Variants in SRGAP2 observed in about 807,000 individuals in gnomAD.
SRGAP2 encodes the protein SLIT-ROBO Rho GTPase-activating protein 2.
SRGAP2 carries 15 observed loss-of-function variants against 57.2 expected under a neutral mutation model. The ratio of observed to expected loss-of-function variants is 0.26; its 90% CI spans 0.18 to 0.40. SRGAP2 has a LOEUF of 0.40. Ranked by LOEUF, SRGAP2 falls within the 10% of genes least tolerant of loss-of-function variation. The pLI is 1.00. For missense variants in SRGAP2, 520 were observed against 669.6 expected (o/e 0.78, Z 2.47); for synonymous variants, 249 against 248.0 (o/e 1.00, Z -0.04).
chr1:206,251,676 T>G (rs1396750732), intron 2 of SRGAP2, among the ~76,000 whole-genome samples: 1 of 146,842 alleles, frequency 6.8e-6, no homozygotes, highest in Non-Finnish European at 1.5e-5. Context: ...ACAACTGAGG[T>G]GGCAGGAGGG....
At chr1:206,393,822 A>G in intron 7 of SRGAP2, 149 bp downstream of exon 7, 1 of 473,404 alleles carries the variant, frequency 2.1e-6, no homozygotes, top group East Asian at 2.9e-5. Flanking sequence ...GGTGCTTGCC[A>G]AGCACCAAGT....
chr1:206,346,745 A>T (rs1202740253), intron 4 of SRGAP2, among the ~76,000 whole-genome samples: 3 of 152,224 alleles, frequency 2.0e-5, no homozygotes, highest in East Asian at 1.9e-4. Flanking sequence ...AGTCATTTTT[A>T]AAAATCTTTT....
At chr1:206,314,060 A>T (rs1440773472) in intron 3 of SRGAP2, among the ~76,000 whole-genome samples, 2 of 150,612 alleles carry the variant, frequency 1.3e-5, no homozygotes, top group African/African-American at 4.9e-5. Context: ...TGATAAATTA[A>T]TGGTATCTTT....
intron 12 of SRGAP2, among the ~76,000 whole-genome samples, chr1:206,420,178 T>C (rs897604285): frequency 1.3e-5 from 2 of 152,240 alleles, no homozygotes; most frequent in African/African-American, 2.4e-5. Flanking sequence ...CACTTATATC[T>C]GCCAAAACAC....
At chr1:206,401,226 G>A (rs1195547724) in intron 7 of SRGAP2, among the ~76,000 whole-genome samples, 195 bp from the exon 8 acceptor site, 5 of 152,126 alleles carry the variant, frequency 3.3e-5, no homozygotes, top group Admixed American at 2.0e-4. Context: ...GCCCTCTAGG[G>A]TGTGTTTAAC....
rs557193306 is a variant in SRGAP2 at position 206,335,280 on chromosome 1, G to A, written c.261-7566G>A. 3.3e-3 allele frequency among the ~76,000 whole-genome samples: 503 copies of A among 151,908 alleles called. 2 individuals are homozygous for A. Among genetic ancestry groups the A allele is most frequent in the Non-Finnish European group, 3.6e-3 (246 of 67,984 alleles). On this transcript the variant is annotated intron_variant, in intron 3 of 22. Coordinates refer to ENST00000573034, the MANE Select transcript of SRGAP2 (RefSeq NM_015326.5). ...TAGATTGTACCAAGAGGGTTTAAAA[G>A]CCTCTTTATTCATTCCTCCCTATAG... is the stretch of plus-strand genomic sequence containing the variant.
At chr1:206,459,074 T>C in intron 22 of SRGAP2, 127 bp downstream of exon 22, 1 of 615,948 alleles carries the variant, frequency 1.6e-6, no homozygotes. Flanking sequence ...TGAGTATATG[T>C]CCACTCTGGA....
intron 4 of SRGAP2, among the ~76,000 whole-genome samples, chr1:206,353,153 GAA>G (rs1426284868): frequency 6.6e-6 from 1 of 152,040 alleles, no homozygotes; most frequent in Non-Finnish European, 1.5e-5. Context: ...GAAATTGTAG[GAA>G]AAATATCAAT....
chr1:206,417,779 T>C (rs1398918204), intron 11 of SRGAP2, among the ~76,000 whole-genome samples: 1 of 152,086 alleles, frequency 6.6e-6, no homozygotes, highest in Non-Finnish European at 1.5e-5. Context: ...AGATAATTTC[T>C]ATTCTTCTTC....
intron 4 of SRGAP2, among the ~76,000 whole-genome samples, chr1:206,357,496 GT>G (rs1416987993): frequency 3.4e-5 from 5 of 147,942 alleles, no homozygotes; most frequent in African/African-American, 1.2e-4. Flanking sequence ...TCTTTTAAAT[GT>G]TGCCTATATG....
At chr1:206,428,783 C>T (rs1437159025) in intron 13 of SRGAP2, among the ~76,000 whole-genome samples, 1 of 152,176 alleles carries the variant, frequency 6.6e-6, no homozygotes, top group Non-Finnish European at 1.5e-5. Flanking sequence ...CCACCTCAGC[C>T]TCGCAAGTAG....
rs1661175756 is a variant in SRGAP2 at position 206,430,241 on chromosome 1, T to A, written c.1555+19T>A. The A allele has an allele frequency of 1.3e-6, 1 of 780,552 alleles. No individual in the cohort carries two copies. The allele number at this position is 780,552 out of a possible 1,614,324, so 48.4% of individuals were successfully genotyped here. On this transcript the variant is annotated intron_variant, in intron 14 of 22. Transcript: ENST00000573034. ...AGACACGGTAAGCAGGATGACAGCC[T>A]TGTCCATATTTGTGCAAAGATTGGG...
At chr1:206,375,670 C>T (rs1414358818) in intron 4 of SRGAP2, among the ~76,000 whole-genome samples, 1 of 152,056 alleles carries the variant, frequency 6.6e-6, no homozygotes, top group African/African-American at 2.4e-5. Context: ...AGCAGAGGGC[C>T]GTTAGCCTCT....
At chr1:206,457,160 T>C (rs1663910333) in intron 21 of SRGAP2, among the ~76,000 whole-genome samples, 1 of 151,988 alleles carries the variant, frequency 6.6e-6, no homozygotes, top group South Asian at 2.1e-4. Flanking sequence ...CATAAATCTG[T>C]CTTCTCAGCA....
chr1:206,279,581 A>ATT (rs1165950488), intron 2 of SRGAP2, among the ~76,000 whole-genome samples: 36 of 86,550 alleles, frequency 4.2e-4, no homozygotes, highest in African/African-American at 2.2e-3. Context: ...ACACCTGGCT[A>ATT]TTTTTTTTTT....
rs1261665550 is a variant in SRGAP2 at position 206,248,185 on chromosome 1, A to G, written c.67+42148A>G. On this transcript the variant is annotated intron_variant, in intron 2 of 22. Coordinates refer to ENST00000573034, the MANE Select transcript of SRGAP2 (RefSeq NM_015326.5). The stretch of plus-strand genomic sequence containing the variant: ...TGGCTTATTTTATTCCTTGCTTATT[A>G]TAATATTATTATTCATAAGCATACC... Among the ~76,000 whole-genome samples the G allele has an allele frequency of 3.3e-5, 5 of 151,864 alleles. No individual in the cohort carries two copies. In the East Asian group the frequency reaches 9.7e-4, roughly 29 times the overall value.
chr1:206,281,910 T>C (rs1306714062), intron 2 of SRGAP2, among the ~76,000 whole-genome samples: 4 of 137,992 alleles, frequency 2.9e-5, no homozygotes, highest in Non-Finnish European at 6.1e-5. Flanking sequence ...TGAGACTCCG[T>C]CACAAAAAAA....
intron 3 of SRGAP2, among the ~76,000 whole-genome samples, chr1:206,325,243 ATATACT>A (rs1406207175): frequency 6.6e-6 from 1 of 152,124 alleles, no homozygotes; most frequent in Non-Finnish European, 1.5e-5. Context: ...ACAAGCTGGA[ATATACT>A]TATATACACA....
chr1:206,267,279 T>A (rs1284044910), intron 2 of SRGAP2, among the ~76,000 whole-genome samples: 1 of 152,178 alleles, frequency 6.6e-6, no homozygotes, highest in Non-Finnish European at 1.5e-5. Context: ...CTTTCAAACA[T>A]TCATGGCGCT....
Sources: gnomAD v4.1 joint callset for allele counts (sites outside exome capture counted in the v4.1 genomes callset) on GRCh38, gnomAD v4.1.1 for gene constraint, MANE v1.5 for transcripts, NCBI Gene and HGNC (gene_info 2026-07-23, HGNC 2026-07-21) for gene names.